ACTR2: variants seen among roughly 807,000 people sequenced by gnomAD.
The protein encoded by ACTR2 is actin-related protein 2.
In ACTR2, 5 loss-of-function variants were observed where a neutral mutation model predicts 50.2. That is an observed-to-expected ratio of 0.10 (90% CI 0.05 to 0.21). The LOEUF is 0.21. Ranked by LOEUF, ACTR2 falls within the 10% of genes least tolerant of loss-of-function variation. The pLI is 1.00. For missense variants in ACTR2, 180 were observed against 480.6 expected, an observed-to-expected ratio of 0.37 and a Z score of 5.85; for synonymous variants, 140 against 162.9, an observed-to-expected ratio of 0.86 and a Z score of 1.07.
chr2:65,268,543 T>C (rs1672428862), intron 8 of ACTR2, 21 bp from the exon 9 acceptor site: 1 of 1,604,714 alleles, frequency 6.2e-7, no homozygotes, highest in South Asian at 1.1e-5. Flanking sequence ...ACCATTTCAT[T>C]ATCCTTTCTT....
At chr2:65,239,541 A>G (rs1160194654) in intron 1 of ACTR2, among the ~76,000 whole-genome samples, 2 of 152,246 alleles carry the variant, frequency 1.3e-5, no homozygotes, top group African/African-American at 4.8e-5. Context: ...GTGTGCCAGG[A>G]GCTCTGTTAG....
chr2:65,237,462 G>A (rs1573149691), intron 1 of ACTR2, among the ~76,000 whole-genome samples: 1 of 151,864 alleles, frequency 6.6e-6, no homozygotes, highest in Non-Finnish European at 1.5e-5. Flanking sequence ...TACTGGTCTC[G>A]AGCTTCTGGG....
intron 3 of ACTR2, among the ~76,000 whole-genome samples, chr2:65,248,795 C>G (rs1041905989): frequency 1.3e-5 from 2 of 152,116 alleles, no homozygotes; most frequent in African/African-American, 2.4e-5. Context: ...GGGTGGATCA[C>G]TTGAGACTAG....
Position 65,268,897 on chromosome 2 carries a change from T to C in ACTR2, c.*163T>C. 2.8e-6 allele frequency: 2 copies of C among 714,926 alleles called. No homozygotes were observed. The highest frequency in any genetic ancestry group is 6.2e-5 in the Admixed American group (2 of 32,120). 44.3% of individuals were successfully genotyped at this position (714,926 alleles called of 1,614,324 possible). ...GTCTTGGGGAAGCTTTGTTAAATTT[T>C]TGTTAATGTGGGTAAATCTGAGTTT... On this transcript the variant is annotated 3_prime_UTR_variant, in exon 9 of 9. Coordinates refer to ENST00000260641, the MANE Select transcript of ACTR2 (RefSeq NM_005722.4).
At chr2:65,266,959 GT>G (rs1446673081) in intron 8 of ACTR2, among the ~76,000 whole-genome samples, 2 of 152,206 alleles carry the variant, frequency 1.3e-5, no homozygotes, top group Non-Finnish European at 2.9e-5. Flanking sequence ...GATAGAATGA[GT>G]TTCAGTGGGG....
At chr2:65,256,837 A>C (rs1349086159) in intron 6 of ACTR2, among the ~76,000 whole-genome samples, 3 of 149,912 alleles carry the variant, frequency 2.0e-5, no homozygotes, top group Non-Finnish European at 4.4e-5. Flanking sequence ...GTGCCACTGC[A>C]CTCCAGCCTG....
intron 1 of ACTR2, among the ~76,000 whole-genome samples, chr2:65,234,702 C>T (rs540221837): frequency 6.6e-6 from 1 of 152,186 alleles, no homozygotes. Flanking sequence ...AGGATCAGAC[C>T]TATGCTCCAT....
rs10190237 is a variant in ACTR2, at chr2:65,270,792, G to A, written c.*2058G>A. On this transcript the variant is annotated 3_prime_UTR_variant, in exon 9 of 9. Transcript: ENST00000260641. ...CATTATGTATATATATTATAATTTAGAAATACCATTTTATAATTTTACTAT... is the reference window on the plus strand; with the variant it reads ...CATTATGTATATATATTATAATTTAAAAATACCATTTTATAATTTTACTAT... The A allele has an allele frequency of 6.6e-6, 1 of 151,862 alleles. No homozygotes were observed. Among genetic ancestry groups the A allele is most frequent in the Non-Finnish European group, 1.5e-5 (1 of 67,986 alleles). The allele number at this position is 151,862 out of a possible 1,614,324, so 9.4% of individuals were successfully genotyped here.
intron 5 of ACTR2, among the ~76,000 whole-genome samples, chr2:65,254,112 C>G (rs888586128): frequency 4.6e-5 from 7 of 152,102 alleles, no homozygotes; most frequent in African/African-American, 1.7e-4. Context: ...TACATTATAT[C>G]ATTACATAAT....
In ACTR2 at chr2:65,230,300, A is replaced by C. The variant is rs555505609; in HGVS notation, c.48+2343A>C. ...CTTTTTAGAAAGTCAAGCCAGTTAT[A>C]TTTTAATGAATTCTTTTAGGGGTTC... On this transcript the variant is annotated intron_variant, in intron 1 of 8. Transcript: ENST00000260641. Among the ~76,000 whole-genome samples the C allele has an allele frequency of 1.7e-4, 25 of 151,442 alleles. No homozygotes were observed. In the East Asian group the frequency reaches 4.1e-3, roughly 25 times the overall value.
chr2:65,257,735 GTCT>G (rs1252154422), intron 6 of ACTR2, among the ~76,000 whole-genome samples: 1 of 152,162 alleles, frequency 6.6e-6, no homozygotes, highest in African/African-American at 2.4e-5. Flanking sequence ...CCACATAAAT[GTCT>G]TCTTTTGAAA....
chr2:65,266,142 A>C (rs761200356), intron 8 of ACTR2, among the ~76,000 whole-genome samples: 22 of 152,246 alleles, frequency 1.4e-4, no homozygotes, highest in Non-Finnish European at 2.5e-4. Flanking sequence ...TGCCGGGGAC[A>C]AACAAAACAA....
At chr2:65,241,209 T>A (rs1055210613) in intron 2 of ACTR2, among the ~76,000 whole-genome samples, 2 of 152,156 alleles carry the variant, frequency 1.3e-5, no homozygotes, top group Non-Finnish European at 2.9e-5. Context: ...CTAATAATAG[T>A]GATAAGGATA....
chr2:65,249,548 C>G (rs924129877), intron 3 of ACTR2, among the ~76,000 whole-genome samples: 2 of 152,170 alleles, frequency 1.3e-5, no homozygotes, highest in South Asian at 2.1e-4. Flanking sequence ...TTCAGACTAT[C>G]TAATTGCTTA....
intron 6 of ACTR2, among the ~76,000 whole-genome samples, chr2:65,258,423 C>A (rs1182353194): frequency 1.3e-5 from 2 of 151,732 alleles, no homozygotes; most frequent in African/African-American, 4.8e-5. Flanking sequence ...AAAAAAAATA[C>A]AAAAATTTGC....
At position 65,265,038 on chromosome 2, in the gene ACTR2, T is replaced by C; in HGVS notation, c.882-5T>C. Reference sequence around the variant, plus strand: ...TCCAAATGAATAACCATTGTGCCTTTCTAGATCTGAATTCTACAAACACAT... The same window carrying C: ...TCCAAATGAATAACCATTGTGCCTTCCTAGATCTGAATTCTACAAACACAT... On this transcript the variant is annotated splice_region_variant and splice_polypyrimidine_tract_variant and intron_variant, in intron 7 of 8. Transcript: ENST00000260641. The C allele has an allele frequency of 6.2e-7, 1 of 1,614,138 alleles. No individual in the cohort carries two copies. Among genetic ancestry groups the C allele is most frequent in the Non-Finnish European group, 8.5e-7 (1 of 1,179,998 alleles).
Position 65,268,553 on chromosome 2 carries a change from T to C in ACTR2, c.1015-11T>C. 1 of 1,608,176 alleles carries C rather than the reference T, an allele frequency of 6.2e-7. No homozygotes were observed. Among genetic ancestry groups the C allele is most frequent in the Non-Finnish European group, 8.5e-7 (1 of 1,178,008 alleles). ...CATGTACCATTTCATTATCCTTTCT[T>C]TCTCCTTTAGAAATTTAAGATCCGC... On this transcript the variant is annotated splice_polypyrimidine_tract_variant and intron_variant, in intron 8 of 8. Coordinates refer to ENST00000260641, the MANE Select transcript of ACTR2 (RefSeq NM_005722.4).
intron 1 of ACTR2, among the ~76,000 whole-genome samples, chr2:65,234,502 C>T (rs554309367): frequency 1.3e-5 from 2 of 152,138 alleles, no homozygotes; most frequent in South Asian, 4.2e-4. Context: ...TGTCTTCTAA[C>T]TTGGGAAATG....
intron 1 of ACTR2, among the ~76,000 whole-genome samples, chr2:65,230,173 A>T (rs1558618497): frequency 6.6e-6 from 1 of 152,228 alleles, no homozygotes; most frequent in South Asian, 2.1e-4. Context: ...TTAAAAAAGT[A>T]TTAGCCTGAT....
Sources: gnomAD v4.1 joint callset for allele counts (sites outside exome capture counted in the v4.1 genomes callset) on GRCh38, gnomAD v4.1.1 for gene constraint, MANE v1.5 for transcripts, NCBI Gene and HGNC (gene_info 2026-07-23, HGNC 2026-07-21) for gene names.